NDEL1: variants seen among roughly 807,000 people sequenced by gnomAD.
NDEL1 encodes the protein nuclear distribution protein nudE-like 1.
Under a neutral mutation model 45.7 loss-of-function variants are expected in NDEL1, and 9 were observed. The observed-to-expected ratio is 0.20, with a 90% CI of 0.12 to 0.34. NDEL1 has a LOEUF of 0.34. Ranked by LOEUF, NDEL1 falls within the 10% of genes least tolerant of loss-of-function variation. The pLI is 1.00. For missense variants in NDEL1, 306 were observed against 406.2 expected, an observed-to-expected ratio of 0.75 and a Z score of 2.12; for synonymous variants, 133 against 158.6, an observed-to-expected ratio of 0.84 and a Z score of 1.21.
intron 1 of NDEL1, 174 bp from the exon 2 acceptor site, chr17:8,444,086 A>G: frequency 1.9e-6 from 1 of 520,554 alleles, no homozygotes; most frequent in Non-Finnish European, 3.4e-6. Flanking sequence ...GTGGTCCCTG[A>G]GAGTGGAGCA....
chr17:8,445,765 A>G lies in NDEL1; in HGVS notation c.141A>G (p.Leu47=). The G allele has an allele frequency of 6.2e-7, 1 of 1,602,584 alleles. No individual in the cohort carries two copies. Among genetic ancestry groups the G allele is most frequent in the Non-Finnish European group, 8.5e-7 (1 of 1,176,058 alleles). Residue 47 remains leucine (L), a synonymous_variant, in exon 3 of 9, where the codon TTA becomes TTG. Coordinates refer to ENST00000334527, the MANE Select transcript of NDEL1 (RefSeq NM_030808.5). The part of the protein sequence containing the change: ...LVEFQEGSRE[L]EAELEAQLVQ... Reference sequence around the variant, plus strand: ...AATTCCAGGAAGGAAGCAGAGAATTAGAAGCAGAGTTGGAGGCACAATTAG... The same window carrying G: ...AATTCCAGGAAGGAAGCAGAGAATTGGAAGCAGAGTTGGAGGCACAATTAG...
intron 1 of NDEL1, among the ~76,000 whole-genome samples, chr17:8,429,972 A>T (rs1415730851): frequency 1.3e-5 from 2 of 152,046 alleles, no homozygotes; most frequent in Non-Finnish European, 2.9e-5. Flanking sequence ...CTGAAATATG[A>T]CTAGATTTAC....
chr17:8,425,952 C>T (rs1384911013), intron 1 of NDEL1, among the ~76,000 whole-genome samples: 2 of 152,058 alleles, frequency 1.3e-5, no homozygotes, highest in African/African-American at 4.8e-5. Flanking sequence ...CCACCTTGCC[C>T]AGCTAATTTT....
chr17:8,418,744 TTTCC>T (rs949594832), intron 1 of NDEL1, among the ~76,000 whole-genome samples: 6 of 149,784 alleles, frequency 4.0e-5, no homozygotes, highest in African/African-American at 1.2e-4. Context: ...TCCTTTGTTC[TTTCC>T]TTCCTTCCTT....
chr17:8,424,783 C>T (rs562840857), intron 1 of NDEL1, among the ~76,000 whole-genome samples: 4 of 150,442 alleles, frequency 2.7e-5, no homozygotes, highest in East Asian at 2.0e-4. Context: ...GGATTACAGG[C>T]GTGAGCCACC....
At chr17:8,433,274 A>G (rs895381140), upstream of NDEL1, among the ~76,000 whole-genome samples, 1 of 152,204 alleles carries the variant, frequency 6.6e-6, no homozygotes, top group African/African-American at 2.4e-5. Context: ...ATCTGTTGAG[A>G]TATCTGTGGT....
intron 1 of NDEL1, among the ~76,000 whole-genome samples, chr17:8,428,822 T>A (rs376489441): frequency 6.6e-6 from 1 of 152,000 alleles, no homozygotes; most frequent in Non-Finnish European, 1.5e-5. Flanking sequence ...TACGGGCTCC[T>A]GCCACCACGC....
At chr17:8,472,927 G>C (rs1423607989), downstream of NDEL1, among the ~76,000 whole-genome samples, 1 of 152,174 alleles carries the variant, frequency 6.6e-6, no homozygotes, top group African/African-American at 2.4e-5. Flanking sequence ...AAGCTGACCA[G>C]CTTGATCTTC....
chr17:8,462,691 C>G (rs2151739668), intron 8 of NDEL1: 1 of 152,382 alleles, frequency 6.6e-6, no homozygotes, highest in Non-Finnish European at 1.5e-5. Context: ...ACTGCAGAAC[C>G]TGCCTGCCCT....
At chr17:8,430,695 TCC>T (rs1405068159) in intron 1 of NDEL1, among the ~76,000 whole-genome samples, 1 of 152,192 alleles carries the variant, frequency 6.6e-6, no homozygotes, top group Non-Finnish European at 1.5e-5. Flanking sequence ...GCAAACCCCT[TCC>T]TAATGATTTA....
At chr17:8,455,889 A>G (rs144057388) in intron 7 of NDEL1, among the ~76,000 whole-genome samples, 2 of 152,106 alleles carry the variant, frequency 1.3e-5, no homozygotes, top group Non-Finnish European at 2.9e-5. Context: ...TGTTGACTTC[A>G]TGGTCTCTCT....
At chr17:8,432,372 T>TTATATATAAATATATA (rs1909037661), upstream of NDEL1, among the ~76,000 whole-genome samples, 1 of 131,648 alleles carries the variant, frequency 7.6e-6, no homozygotes, top group Non-Finnish European at 1.6e-5. Flanking sequence ...ATATATATAT[T>TTATATATAAATATATA]TAATGGCAGG....
intron 1 of NDEL1, among the ~76,000 whole-genome samples, chr17:8,442,923 G>A (rs1909852721): frequency 6.6e-6 from 1 of 151,936 alleles, no homozygotes; most frequent in South Asian, 2.1e-4. Flanking sequence ...GGGACTACAG[G>A]CGCCTGCCAC....
At chr17:8,450,990 G>A in intron 6 of NDEL1, 37 bp downstream of exon 6, 1 of 1,587,206 alleles carries the variant, frequency 6.3e-7, no homozygotes, top group Non-Finnish European at 8.6e-7. Flanking sequence ...CGATGTGTTA[G>A]ATGATCAGCT....
intron 1 of NDEL1, among the ~76,000 whole-genome samples, chr17:8,419,471 G>A (rs1486118455): frequency 6.6e-6 from 1 of 152,020 alleles, no homozygotes; most frequent in Non-Finnish European, 1.5e-5. Flanking sequence ...ATCATAATTT[G>A]TTTTCATATG....
chr17:8,432,353 A>AT (rs1567722399), upstream of NDEL1, among the ~76,000 whole-genome samples: 1 of 5,874 alleles, frequency 1.7e-4, no homozygotes, highest in South Asian at 0.01. Flanking sequence ...TATAAATATA[A>AT]ATATAAATAT....
chr17:8,423,685 A>AAAACAAAC (rs536341797), intron 1 of NDEL1, among the ~76,000 whole-genome samples: 12 of 152,282 alleles, frequency 7.9e-5, no homozygotes, highest in Non-Finnish European at 2.9e-5. Flanking sequence ...CTCTGTCTCA[A>AAAACAAAC]AAACAAACAA....
chr17:8,446,108 T>C, intron 3 of NDEL1: 1 of 291,612 alleles, frequency 3.4e-6, no homozygotes, highest in South Asian at 1.3e-4. Flanking sequence ...AGCTATATTA[T>C]ATTATAGTTC....
intron 1 of NDEL1, among the ~76,000 whole-genome samples, chr17:8,424,642 C>T (rs754087503): frequency 2.6e-5 from 4 of 152,206 alleles, no homozygotes; most frequent in South Asian, 2.1e-4. Context: ...GCTGGGACTA[C>T]GGGCACCCGC....
Sources: gnomAD v4.1 joint callset for allele counts (sites outside exome capture counted in the v4.1 genomes callset) on GRCh38, gnomAD v4.1.1 for gene constraint, MANE v1.5 for transcripts, NCBI Gene and HGNC (gene_info 2026-07-23, HGNC 2026-07-21) for gene names.